Variants in CATSPER3 observed in about 807,000 individuals in gnomAD.
CATSPER3 encodes cation channel sperm associated 3, also known as cation channel sperm-associated protein 3.
In CATSPER3, 23 loss-of-function variants were observed where a neutral mutation model predicts 36.6. That is an observed-to-expected ratio of 0.63 (90% CI 0.45 to 0.89). The LOEUF is 0.89. CATSPER3 is among the 40% of genes least tolerant of loss of function. CATSPER3 has a pLI of 0.00. For synonymous variants in CATSPER3, 172 were observed against 184.1 expected (o/e 0.93, Z 0.53); for missense variants, 474 against 503.9 (o/e 0.94, Z 0.57).
intron 2 of CATSPER3, among the ~76,000 whole-genome samples, chr5:134,991,912 C>G (rs1425859559): frequency 6.6e-6 from 1 of 152,106 alleles, no homozygotes; most frequent in African/African-American, 2.4e-5. Flanking sequence ...GGGAGGATTG[C>G]TTGAGCCCAG....
intron 2 of CATSPER3, among the ~76,000 whole-genome samples, chr5:134,995,357 C>A (rs1443157624): frequency 6.6e-6 from 1 of 152,088 alleles, no homozygotes; most frequent in African/African-American, 2.4e-5. Context: ...TTAGCTCCCA[C>A]ATATGAGTGA....
intron 2 of CATSPER3, among the ~76,000 whole-genome samples, chr5:134,971,479 G>A (rs1480547885): frequency 6.6e-6 from 1 of 152,068 alleles, no homozygotes; most frequent in East Asian, 1.9e-4. Context: ...CCCACAGGCA[G>A]CATTTACAAC....
intron 7 of CATSPER3, 100 bp from the exon 8 acceptor site, chr5:135,011,421 C>T (rs1400950306): frequency 2.0e-5 from 16 of 818,194 alleles, no homozygotes; most frequent in Admixed American, 4.0e-5. Context: ...CTTCTTTGAC[C>T]CTACACCTGT....
At chr5:134,997,020 A>G (rs1375047100) in intron 3 of CATSPER3, among the ~76,000 whole-genome samples, 1 of 152,118 alleles carries the variant, frequency 6.6e-6, no homozygotes, top group Non-Finnish European at 1.5e-5. Context: ...GTTGCTGAAA[A>G]CCATGACCAA....
chr5:134,996,202 G>A (rs550841568), intron 2 of CATSPER3, 71 bp from the exon 3 acceptor site: 12 of 1,605,290 alleles, frequency 7.5e-6, no homozygotes, highest in Admixed American at 5.0e-5. Flanking sequence ...CGGGGCTCAC[G>A]CAGGGAGCAG....
At position 134,986,093 on chromosome 5, in the gene CATSPER3, A is replaced by T. The variant is rs561139503; in HGVS notation, c.253-10180A>T. 1.5e-4 allele frequency among the ~76,000 whole-genome samples: 23 copies of T among 152,216 alleles called. No individual in the cohort carries two copies. In the South Asian group the frequency reaches 4.6e-3, roughly 30 times the overall value. On this transcript the variant is annotated intron_variant, in intron 2 of 7. Coordinates refer to ENST00000282611, the MANE Select transcript of CATSPER3 (RefSeq NM_178019.3). ...ATCTTCACTGACAGCAATGAAACGG[A>T]ACTACAGAGGAAAACTACATTTTTC...
intron 2 of CATSPER3, among the ~76,000 whole-genome samples, chr5:134,977,038 A>G (rs1751682989): frequency 6.6e-6 from 1 of 152,186 alleles, no homozygotes; most frequent in Non-Finnish European, 1.5e-5. Flanking sequence ...GCCTGTTATG[A>G]GAGGGGCTGC....
chr5:135,010,296 TG>T, intron 6 of CATSPER3, 76 bp from the exon 7 acceptor site: 1 of 1,320,322 alleles, frequency 7.6e-7, no homozygotes, highest in Non-Finnish European at 1.1e-6. Context: ...GGGCCCATCC[TG>T]GAGAGTCTCC....
intron 2 of CATSPER3, among the ~76,000 whole-genome samples, chr5:134,990,771 C>T (rs538536239): frequency 1.9e-4 from 29 of 152,250 alleles, no homozygotes; most frequent in African/African-American, 7.0e-4. Flanking sequence ...CTGCACAGTG[C>T]AATAAAGTGA....
chr5:134,998,884 G>A (rs1751985902), intron 3 of CATSPER3, among the ~76,000 whole-genome samples: 1 of 152,008 alleles, frequency 6.6e-6, no homozygotes, highest in Admixed American at 6.6e-5. Flanking sequence ...CTCTGACGGT[G>A]GTTTCTTTTG....
intron 2 of CATSPER3, among the ~76,000 whole-genome samples, chr5:134,979,313 G>T (rs1751720403): frequency 6.6e-6 from 1 of 151,974 alleles, no homozygotes; most frequent in Non-Finnish European, 1.5e-5. Flanking sequence ...ATTTTTGTAT[G>T]TTTTGTAGAG....
intron 7 of CATSPER3, 134 bp from the exon 8 acceptor site, chr5:135,011,387 T>C: frequency 1.4e-6 from 1 of 721,370 alleles, no homozygotes; most frequent in Non-Finnish European, 2.5e-6. Flanking sequence ...CAACCCAGCC[T>C]CATCTGGCTC....
At chr5:134,983,244 A>G (rs1023700052) in intron 2 of CATSPER3, among the ~76,000 whole-genome samples, 4 of 152,226 alleles carry the variant, frequency 2.6e-5, no homozygotes, top group African/African-American at 9.6e-5. Context: ...AAACTCTCCA[A>G]TTAAAAGGCA....
chr5:134,975,793 A>C (rs1751666004), intron 2 of CATSPER3, among the ~76,000 whole-genome samples: 1 of 152,224 alleles, frequency 6.6e-6, no homozygotes. Flanking sequence ...AAGAAAATGA[A>C]ATCTGTATAT....
chr5:135,011,299 G>A (rs1411831801), intron 7 of CATSPER3, among the ~76,000 whole-genome samples: 3 of 152,200 alleles, frequency 2.0e-5, no homozygotes, highest in Non-Finnish European at 4.4e-5. Context: ...CAGGACCTAA[G>A]AATTTATTTC....
intron 3 of CATSPER3, among the ~76,000 whole-genome samples, chr5:135,004,178 C>G (rs1013654242): frequency 6.6e-6 from 1 of 152,246 alleles, no homozygotes; most frequent in African/African-American, 2.4e-5. Context: ...GCTTAGACTC[C>G]TCTCTCAAGC....
chr5:135,005,260 T>C (rs970393782), intron 3 of CATSPER3, among the ~76,000 whole-genome samples: 14 of 152,196 alleles, frequency 9.2e-5, no homozygotes, highest in African/African-American at 3.1e-4. Context: ...GCCGGCCTGC[T>C]TGGGGACTGC....
intron 6 of CATSPER3, among the ~76,000 whole-genome samples, 194 bp downstream of exon 6, chr5:135,009,684 T>C (rs963377366): frequency 1.2e-4 from 18 of 152,268 alleles, no homozygotes; most frequent in African/African-American, 4.3e-4. Flanking sequence ...TGTGTTTCTC[T>C]GGACCTCTCG....
At chr5:134,982,631 A>C (rs187853867) in intron 2 of CATSPER3, among the ~76,000 whole-genome samples, 7 of 152,346 alleles carry the variant, frequency 4.6e-5, no homozygotes, top group South Asian at 4.1e-4. Context: ...GGAAATAAAG[A>C]CTTCCAGATA....
Sources: allele counts gnomAD v4.1 joint callset (sites outside exome capture counted in the v4.1 genomes callset), GRCh38; gene constraint gnomAD v4.1.1; transcripts MANE v1.5; gene names NCBI Gene and HGNC (gene_info 2026-07-23, HGNC 2026-07-21).